KREMEN1: variants seen among roughly 807,000 people sequenced by gnomAD.
The protein encoded by KREMEN1 is kremen protein 1.
In KREMEN1, 30 loss-of-function variants were observed where a neutral mutation model predicts 46.5. The ratio of observed to expected loss-of-function variants is 0.65; its 90% confidence interval spans 0.48 to 0.88. The LOEUF is 0.88. Among genes scored for constraint, KREMEN1 ranks in the 40% least tolerant of loss-of-function variants. The probability of loss-of-function intolerance (pLI) is 0.00; values close to 1 mark genes in which losing one functional copy is unlikely to be tolerated. For missense variants in KREMEN1, 533 were observed against 596.9 expected, an observed-to-expected ratio of 0.89 and a Z score of 1.11; for synonymous variants, 214 against 230.6, an observed-to-expected ratio of 0.93 and a Z score of 0.65.
At chr22:29,094,627 T>A (rs2037854340) in intron 2 of KREMEN1, among the ~76,000 whole-genome samples, 1 of 50,944 alleles carries the variant, frequency 2.0e-5, no homozygotes, top group Non-Finnish European at 6.1e-5. Context: ...TTTACCACTC[T>A]TTTTTTTTTT....
At chr22:29,150,359 C>G (rs1052405729), downstream of KREMEN1, among the ~76,000 whole-genome samples, 2 of 152,316 alleles carry the variant, frequency 1.3e-5, no homozygotes. Context: ...CCCGTTAGCT[C>G]TGGGTGACTG....
chr22:29,123,955 G>T (rs2038399380), intron 4 of KREMEN1, among the ~76,000 whole-genome samples: 2 of 152,174 alleles, frequency 1.3e-5, no homozygotes, highest in South Asian at 4.2e-4. Context: ...CAGAGCAACT[G>T]GGACTTTCAT....
At chr22:29,091,219 C>T (rs551742790) in intron 1 of KREMEN1, among the ~76,000 whole-genome samples, 5 of 152,288 alleles carry the variant, frequency 3.3e-5, no homozygotes, top group South Asian at 2.1e-4. Flanking sequence ...GTGATCCGCT[C>T]GCCTCGGCCT....
rs71196633 is a variant in KREMEN1 at position 29,131,865 on chromosome 22, C to CTT, written c.632-5454_632-5453dup. 2.4e-3 allele frequency among the ~76,000 whole-genome samples: 108 copies of CTT among 45,864 alleles called. 2 individuals carry two copies. The highest frequency in any genetic ancestry group is 4.0e-3 in the African/African-American group (41 of 10,344). 30.1% of individuals were successfully genotyped at this position (45,864 alleles called of 152,430 possible). A position where few individuals can be genotyped will look rare whatever the true frequency, so the allele number is the denominator to read the frequency against. On this transcript the variant is annotated intron_variant, in intron 5 of 8. Transcript: ENST00000400335. Reference sequence around the variant, plus strand: ...CTGGCTTCTTTCACTTAGAATAATGCTTTTTTTTTTTTTTTTTTTTTTTTG... The same window carrying CTT: ...CTGGCTTCTTTCACTTAGAATAATGCTTTTTTTTTTTTTTTTTTTTTTTTTTG...
rs148846326 is a variant in KREMEN1, at chr22:29,136,557, A to G, written c.632-785A>G. On this transcript the variant is annotated intron_variant, in intron 5 of 8. Coordinates refer to ENST00000400335, the MANE Select transcript of KREMEN1 (RefSeq NM_001039570.3). The stretch of plus-strand genomic sequence containing the variant: ...ACCACTGCACTCCAGCCTGGGAGAC[A>G]GACGGAGACTCCTTCTCAAAAAAAA... Among the ~76,000 whole-genome samples, 1,318 of 149,356 alleles carry G rather than the reference A, an allele frequency of 8.8e-3. 13 individuals carry two copies. The highest frequency in any genetic ancestry group is 0.031 in the African/African-American group (1,258 of 40,580).
rs568604583 is a variant in KREMEN1 at position 29,133,684 on chromosome 22, T to C, written c.632-3658T>C. On this transcript the variant is annotated intron_variant, in intron 5 of 8. Transcript: ENST00000400335. ...TGTTTGTTTTTTTTGCTTTTGTTTT[T>C]GTTTTTAATTTTTTTGTTTGCTTGG... 7.2e-5 allele frequency among the ~76,000 whole-genome samples: 11 copies of C among 152,350 alleles called. No individual in the cohort carries two copies. In the South Asian group the frequency reaches 1.0e-3, roughly 14 times the overall value.
chr22:29,156,587 G>C (rs928264390), intron 9 of KREMEN1, among the ~76,000 whole-genome samples: 3 of 151,240 alleles, frequency 2.0e-5, no homozygotes, highest in African/African-American at 7.3e-5. Flanking sequence ...CAGGACGCTG[G>C]CTGCCTCTTC....
intron 3 of KREMEN1, among the ~76,000 whole-genome samples, chr22:29,118,153 C>T (rs2145805868): frequency 6.6e-6 from 1 of 152,294 alleles, no homozygotes. Flanking sequence ...GGGATGTTGG[C>T]TGAAGTCCAC....
exon 10 of KREMEN1, chr22:29,167,270 G>A: frequency 1.6e-6 from 1 of 642,264 alleles, no homozygotes. Context: ...GAGATGGGAG[G>A]ATTGCTTGAG....
rs183991847 is a variant in KREMEN1, at chr22:29,109,607, G to A, written c.352+10654G>A. Among the ~76,000 whole-genome samples, 13 of 152,302 alleles carry A rather than the reference G, an allele frequency of 8.5e-5. No homozygotes were observed. The East Asian group carries it at 1.5e-3, about 18-fold the overall frequency. ...GTGGGTTGGGATCCAGGCTTCCTGA[G>A]TAGAGGAGTGGACAAAAAGGAACCA... On this transcript the variant is annotated intron_variant, in intron 3 of 8. Coordinates refer to ENST00000400335, the MANE Select transcript of KREMEN1 (RefSeq NM_001039570.3).
Position 29,143,055 on chromosome 22 carries a change from C to G in KREMEN1, c.*943C>G. The G allele has an allele frequency of 2.0e-6, 1 of 504,458 alleles. No homozygotes were observed. The highest frequency in any genetic ancestry group is 2.6e-6 in the Non-Finnish European group (1 of 390,530). 31.2% of individuals were successfully genotyped at this position (504,458 alleles called of 1,614,324 possible). A position where few individuals can be genotyped will look rare whatever the true frequency, so the allele number is the denominator to read the frequency against. On this transcript the variant is annotated 3_prime_UTR_variant, in exon 9 of 9. Coordinates refer to ENST00000400335, the MANE Select transcript of KREMEN1 (RefSeq NM_001039570.3). Reference sequence around the variant, plus strand: ...ATCCCAGCTACTCAGAAGGCTGAGACAGAAGAACAGCTTGAACCCAGGAGG... The same window carrying G: ...ATCCCAGCTACTCAGAAGGCTGAGAGAGAAGAACAGCTTGAACCCAGGAGG...
downstream of KREMEN1, among the ~76,000 whole-genome samples, chr22:29,150,046 CG>C (rs1203226134): frequency 5.9e-5 from 9 of 152,172 alleles, no homozygotes; most frequent in South Asian, 2.1e-4. Flanking sequence ...GTGGCGAGGT[CG>C]GGTCCCGATG....
At chr22:29,147,139 G>A (rs1237218077), downstream of KREMEN1, among the ~76,000 whole-genome samples, 1 of 152,106 alleles carries the variant, frequency 6.6e-6, no homozygotes, top group East Asian at 1.9e-4. Flanking sequence ...CCAGTCCCTC[G>A]ACTACTCAGC....
In KREMEN1 at chr22:29,142,029, C is replaced by G. The variant is rs140385700; in HGVS notation, c.1294C>G (p.Pro432Ala). The change falls in exon 9 of 9, where the codon CCT becomes GCT. Residue 432 changes from proline (P) to alanine (A), a missense_variant. Pro to Ala is a conservative substitution (Grantham distance 27). Coordinates refer to ENST00000400335, the MANE Select transcript of KREMEN1 (RefSeq NM_001039570.3). ...SGEIWSIFYK[P>A]STSISIFKKK... is the part of the protein sequence containing the mutation. ...GGAAATCTGGAGCATTTTTTACAAG[C>G]CTTCCACTTCAATTTCCATCTTTAA... The G allele has an allele frequency of 1.2e-6, 2 of 1,613,318 alleles. No homozygotes were observed. The highest frequency in any genetic ancestry group is 2.2e-5 in the East Asian group (1 of 44,804).
intron 5 of KREMEN1, among the ~76,000 whole-genome samples, chr22:29,126,763 G>A (rs1204537289): frequency 6.6e-6 from 1 of 152,154 alleles, no homozygotes; most frequent in African/African-American, 2.4e-5. Flanking sequence ...TTGTATTTGG[G>A]GTGGGAAGAC....
downstream of KREMEN1, among the ~76,000 whole-genome samples, chr22:29,149,169 CT>C (rs557993177): frequency 1.1e-3 from 161 of 145,464 alleles, no homozygotes; most frequent in Non-Finnish European, 1.3e-3. Flanking sequence ...ATAATGGCAC[CT>C]TTTTTTTTTT....
intron 1 of KREMEN1, among the ~76,000 whole-genome samples, chr22:29,089,501 CA>C (rs2037777342): frequency 6.6e-6 from 1 of 152,216 alleles, no homozygotes; most frequent in Non-Finnish European, 1.5e-5. Context: ...CATCCTTCTA[CA>C]GTAACTACCT....
Position 29,145,279 on chromosome 22 carries a change from G to A in KREMEN1, c.*3167G>A, listed in dbSNP as rs1045761664. ...GGGGGTTGGAGGTGGCGAAAAGAGG[G>A]TAACCCTGGGAAAGTCAGTCAGAAC... On this transcript the variant is annotated 3_prime_UTR_variant, in exon 9 of 9. Coordinates refer to ENST00000400335, the MANE Select transcript of KREMEN1 (RefSeq NM_001039570.3). 4.1e-6 allele frequency: 4 copies of A among 985,508 alleles called. No individual in the cohort carries two copies. Among genetic ancestry groups the A allele is most frequent in the African/African-American group, 1.7e-5 (1 of 57,232 alleles). The allele number at this position is 985,508 out of a possible 1,614,324, so 61.0% of individuals were successfully genotyped here.
At position 29,137,208 on chromosome 22, in the gene KREMEN1, G is replaced by A. The variant is rs1280896076; in HGVS notation, c.632-134G>A. 13 of 571,950 alleles carry A rather than the reference G, an allele frequency of 2.3e-5. No individual in the cohort carries two copies. The East Asian group carries it at 3.0e-4, about 13-fold the overall frequency. 35.4% of individuals were successfully genotyped at this position (571,950 alleles called of 1,614,324 possible). A position where few individuals can be genotyped will look rare whatever the true frequency, so the allele number is the denominator to read the frequency against. ...AGTCTCAGCGATTCGTTTTGTGACT[G>A]TCAGGTTTTACAGATAGAAACAATG... is the stretch of plus-strand genomic sequence containing the variant. On this transcript the variant is annotated intron_variant, in intron 5 of 8. Coordinates refer to ENST00000400335, the MANE Select transcript of KREMEN1 (RefSeq NM_001039570.3).
Sources: gnomAD v4.1 joint callset for allele counts (sites outside exome capture counted in the v4.1 genomes callset) on GRCh38, gnomAD v4.1.1 for gene constraint, MANE v1.5 for transcripts, NCBI Gene and HGNC (gene_info 2026-07-23, HGNC 2026-07-21) for gene names.